MARCHF1: variants seen among roughly 807,000 people sequenced by gnomAD.
MARCHF1 encodes membrane associated ring-CH-type finger 1, also known as E3 ubiquitin-protein ligase MARCHF1.
A neutral mutation model predicts 54.2 loss-of-function variants in MARCHF1; 40 were observed. That is an observed-to-expected ratio of 0.74 (90% CI 0.57 to 0.96). The LOEUF is 0.96. MARCHF1 is among the 40% of genes least tolerant of loss of function. The pLI is 0.00. For synonymous variants in MARCHF1, 236 were observed against 236.3 expected, an observed-to-expected ratio of 1.00 and a Z score of 0.01; for missense variants, 586 against 656.5, an observed-to-expected ratio of 0.89 and a Z score of 1.17.
In MARCHF1 at chr4:163,703,492, T is replaced by A. The variant is rs983940485; in HGVS notation, c.112-2629A>T. Among the ~76,000 whole-genome samples the A allele has an allele frequency of 2.0e-5, 3 of 152,230 alleles. No individual in the cohort carries two copies. The East Asian group carries it at 5.8e-4, about 29-fold the overall frequency. The stretch of plus-strand genomic sequence containing the variant: ...TGTCATACTCTTCTTTGAAGATTAG[T>A]CAATATGGTTGTCATACCTCATTAC... On this transcript the variant is annotated intron_variant, in intron 4 of 9. Coordinates refer to ENST00000514618, the MANE Select transcript of MARCHF1 (RefSeq NM_001394959.1).
chr4:164,354,692 G>GA (rs1455628847), intron 1 of MARCHF1, among the ~76,000 whole-genome samples: 2 of 147,544 alleles, frequency 1.4e-5, no homozygotes, highest in African/African-American at 5.1e-5. Flanking sequence ...CATTCCCTTT[G>GA]AAAACTGGCA....
chr4:164,203,797 G>A (rs559255701), intron 1 of MARCHF1, among the ~76,000 whole-genome samples: 1 of 152,126 alleles, frequency 6.6e-6, no homozygotes, highest in Non-Finnish European at 1.5e-5. Context: ...CTTGAGAGTA[G>A]ACATCATTGT....
intron 2 of MARCHF1, among the ~76,000 whole-genome samples, chr4:164,059,101 A>C (rs1044970410): frequency 2.0e-5 from 3 of 152,210 alleles, no homozygotes; most frequent in African/African-American, 4.8e-5. Flanking sequence ...TTGTACTGAA[A>C]GAACAACAAC....
chr4:163,716,305 CA>C (rs1745254851), intron 4 of MARCHF1, among the ~76,000 whole-genome samples: 1 of 152,148 alleles, frequency 6.6e-6, no homozygotes, highest in African/African-American at 2.4e-5. Context: ...TTTCAGAATA[CA>C]AAATGCACAA....
intron 4 of MARCHF1, among the ~76,000 whole-genome samples, chr4:163,821,098 T>C (rs1748680221): frequency 6.6e-6 from 1 of 152,064 alleles, no homozygotes; most frequent in African/African-American, 2.4e-5. Flanking sequence ...TCCCTGGCCT[T>C]CTAGGCTTTT....
At chr4:163,769,641 T>C (rs906371198) in intron 4 of MARCHF1, among the ~76,000 whole-genome samples, 2 of 152,204 alleles carry the variant, frequency 1.3e-5, no homozygotes, top group African/African-American at 4.8e-5. Flanking sequence ...TAAGCAGTAT[T>C]CTAGCCAACT....
chr4:164,197,660 C>T (rs112480682), intron 1 of MARCHF1: 1 of 1,612,798 alleles, frequency 6.2e-7, no homozygotes, highest in African/African-American at 1.3e-5. Flanking sequence ...TCTTTCACAT[C>T]AGAGGGCGCC....
At chr4:163,812,416 G>A (rs948222135) in intron 4 of MARCHF1, among the ~76,000 whole-genome samples, 1 of 152,000 alleles carries the variant, frequency 6.6e-6, no homozygotes, top group Non-Finnish European at 1.5e-5. Flanking sequence ...AGTTTTGGAA[G>A]CTGAGGCTTA....
intron 1 of MARCHF1, among the ~76,000 whole-genome samples, chr4:164,249,685 C>G (rs1485953493): frequency 6.7e-6 from 1 of 149,702 alleles, no homozygotes; most frequent in Admixed American, 6.7e-5. Flanking sequence ...TGCTAGGGGT[C>G]GGGGAGAACA....
chr4:163,681,359 A>G (rs1744096764), intron 5 of MARCHF1, among the ~76,000 whole-genome samples: 2 of 152,322 alleles, frequency 1.3e-5, no homozygotes, highest in South Asian at 2.1e-4. Flanking sequence ...CCTTGAGCAG[A>G]GTTTTCAGAA....
At chr4:163,976,102 AG>A (rs1291571910) in intron 3 of MARCHF1, among the ~76,000 whole-genome samples, 2 of 152,228 alleles carry the variant, frequency 1.3e-5, no homozygotes, top group African/African-American at 4.8e-5. Flanking sequence ...TCCTAGTTGA[AG>A]AACTAGCAAC....
chr4:164,372,404 AT>A (rs1464536799), intron 1 of MARCHF1, among the ~76,000 whole-genome samples: 1 of 152,198 alleles, frequency 6.6e-6, no homozygotes, highest in Admixed American at 6.5e-5. Context: ...ATTTATTGAA[AT>A]GTCATAGTCT....
chr4:163,786,706 A>G (rs1224934496), intron 4 of MARCHF1, among the ~76,000 whole-genome samples: 1 of 152,004 alleles, frequency 6.6e-6, no homozygotes, highest in African/African-American at 2.4e-5. Context: ...CAAAATCCCA[A>G]TAATTTTTCT....
At chr4:164,179,194 G>A (rs948135028) in intron 1 of MARCHF1, among the ~76,000 whole-genome samples, 9 of 152,132 alleles carry the variant, frequency 5.9e-5, no homozygotes, top group African/African-American at 2.2e-4. Flanking sequence ...GAGATAGAGG[G>A]AGATTATATT....
At chr4:163,754,728 CT>C (rs5863625) in intron 4 of MARCHF1, among the ~76,000 whole-genome samples, 52,854 of 149,784 alleles carry the variant, frequency 0.35, 9,703 homozygotes, top group Non-Finnish European at 0.42. Context: ...GTTAAAGACT[CT>C]TTTTTTTTTA....
intron 5 of MARCHF1, among the ~76,000 whole-genome samples, chr4:163,661,484 G>A (rs1259688923): frequency 3.3e-5 from 5 of 151,658 alleles, no homozygotes; most frequent in Admixed American, 6.6e-5. Context: ...TCCTATTTTG[G>A]AAGCCCTTTT....
intron 1 of MARCHF1, among the ~76,000 whole-genome samples, chr4:164,241,562 A>G (rs1732752270): frequency 6.6e-6 from 1 of 152,196 alleles, no homozygotes; most frequent in Non-Finnish European, 1.5e-5. Context: ...TGTATATTAA[A>G]ATGGACTTCC....
chr4:163,612,896 C>G lies in MARCHF1; in HGVS notation c.385G>C (p.Glu129Gln). The part of the protein sequence containing the change: ...RRRRKASERY[E>Q]HAAEEQIRGR... ...CTTATTTGTTCTTCTGCAGCATGCT[C>G]ATATCTCTCAGAGGCTTTTCTCCTC... Residue 129 changes from glutamate to glutamine, a missense_variant, in exon 7 of 10, where the codon GAG (glutamate) becomes CAG (glutamine). By Grantham distance (29) the Glu-to-Gln change is conservative (BLOSUM62 2). Transcript: ENST00000514618. The G allele has an allele frequency of 6.5e-7, 1 of 1,535,440 alleles. No individual in the cohort carries two copies.
chr4:164,098,357 A>G (rs1214120282), intron 2 of MARCHF1, among the ~76,000 whole-genome samples: 6 of 152,200 alleles, frequency 3.9e-5, no homozygotes, highest in Non-Finnish European at 7.4e-5. Context: ...TATGTTAGGA[A>G]GACAACCCTG....
Sources: allele counts gnomAD v4.1 joint callset (sites outside exome capture counted in the v4.1 genomes callset), GRCh38; gene constraint gnomAD v4.1.1; transcripts MANE v1.5; gene names NCBI Gene and HGNC (gene_info 2026-07-23, HGNC 2026-07-21).